The following PPP2R3C variants were observed in gnomAD, a reference collection of about 807,000 sequenced individuals.
PPP2R3C encodes protein phosphatase 2 regulatory subunit B''gamma, also known as serine/threonine-protein phosphatase 2A regulatory subunit B'' subunit gamma.
In PPP2R3C, 47 loss-of-function variants were observed where a neutral mutation model predicts 63.7. That is an observed-to-expected ratio of 0.74 (90% CI 0.58 to 0.94). The LOEUF is 0.94. Ranked by LOEUF, PPP2R3C falls within the 40% of genes least tolerant of loss-of-function variation. The probability of loss-of-function intolerance (pLI) is 0.00; values close to 1 mark genes in which losing one functional copy is unlikely to be tolerated. For missense variants in PPP2R3C, 421 were observed against 518.4 expected (o/e 0.81, Z 1.82); for synonymous variants, 180 against 177.4 (o/e 1.01, Z -0.12).
chr14:35,087,875 T>G, intron 12 of PPP2R3C, 76 bp downstream of exon 12: 2 of 1,154,148 alleles, frequency 1.7e-6, no homozygotes. Flanking sequence ...TTAGTTGCTT[T>G]CATATAAAAT....
chr14:35,119,896 G>T (rs2046815513), intron 1 of PPP2R3C, among the ~76,000 whole-genome samples: 1 of 144,158 alleles, frequency 6.9e-6, no homozygotes, highest in African/African-American at 2.6e-5. Flanking sequence ...TGTCGCCCAG[G>T]CTGGAGTGCA....
chr14:35,116,799 A>C, intron 1 of PPP2R3C, 62 bp from the exon 2 acceptor site: 43 of 1,271,102 alleles, frequency 3.4e-5, no homozygotes, highest in Non-Finnish European at 4.1e-5. Context: ...TACTCAGGTC[A>C]TCCTATATAT....
Position 35,096,749 on chromosome 14 carries a change from T to A in PPP2R3C, c.722A>T (p.Gln241Leu), listed in dbSNP as rs754303483. The change falls in exon 8 of 13, where the codon CAA becomes CTA. Residue 241 changes from glutamine to leucine, a missense_variant. This residue lies in a region of PPP2R3C where 231 missense variants were observed against 264.8 expected (regional missense o/e 0.87). Coordinates refer to ENST00000261475, the MANE Select transcript of PPP2R3C (RefSeq NM_017917.4). ...DPLRTGKIKI[Q>L]DILACSFLDD... ...TAGGAAGCTGCATGCTAAAATATCTTGAATTTTTATCTTTCCTTTAAGAAC... is the reference window on the plus strand; with the variant it reads ...TAGGAAGCTGCATGCTAAAATATCTAGAATTTTTATCTTTCCTTTAAGAAC... 3 of 1,585,616 alleles carry A rather than the reference T, an allele frequency of 1.9e-6. No individual in the cohort carries two copies. Among genetic ancestry groups the A allele is most frequent in the Non-Finnish European group, 2.6e-6 (3 of 1,164,818 alleles).
intron 6 of PPP2R3C, among the ~76,000 whole-genome samples, chr14:35,106,770 T>C (rs9888597): frequency 0.11 from 15,896 of 150,530 alleles, 1,039 homozygotes; most frequent in African/African-American, 0.19. Context: ...TGGGTTCAAG[T>C]GATTCTCCTG....
intron 6 of PPP2R3C, 115 bp from the exon 7 acceptor site, chr14:35,099,499 A>G: frequency 1.6e-6 from 2 of 1,249,688 alleles, no homozygotes; most frequent in South Asian, 3.4e-5. Context: ...AAATAAATGC[A>G]TGACTATTTT....
chr14:35,116,493 G>T, intron 2 of PPP2R3C, 117 bp downstream of exon 2: 3 of 718,446 alleles, frequency 4.2e-6, no homozygotes, highest in East Asian at 3.6e-5. Context: ...GGACTCAAGT[G>T]ATCCTCCCGC....
intron 10 of PPP2R3C, among the ~76,000 whole-genome samples, chr14:35,093,137 C>T (rs1344708995): frequency 7.2e-5 from 11 of 151,968 alleles, no homozygotes; most frequent in African/African-American, 2.2e-4. Flanking sequence ...GGCGTCAACC[C>T]GGGAGGCGGA....
chr14:35,108,348 T>C (rs977787518), intron 4 of PPP2R3C, 112 bp from the exon 5 acceptor site: 53 of 1,271,250 alleles, frequency 4.2e-5, no homozygotes, highest in Admixed American at 1.4e-4. Flanking sequence ...GAAAGAACAA[T>C]AGAGACTCCT....
chr14:35,087,697 G>GC (rs2045654998), intron 12 of PPP2R3C: 1 of 404,570 alleles, frequency 2.5e-6, no homozygotes, highest in Non-Finnish European at 4.6e-6. Context: ...ACTGAGCCCG[G>GC]CCCCCTGACT....
chr14:35,101,480 A>G (rs1218196094), intron 6 of PPP2R3C: 2 of 152,246 alleles, frequency 1.3e-5, no homozygotes, highest in African/African-American at 4.8e-5. Context: ...TAAGTGTATT[A>G]TTTATTCAAA....
chr14:35,109,695 A>G (rs1595117356), intron 4 of PPP2R3C, 124 bp downstream of exon 4: 4 of 686,310 alleles, frequency 5.8e-6, no homozygotes, highest in Admixed American at 3.2e-5. Flanking sequence ...AGCTCAAGCA[A>G]TCCTCTCACC....
intron 11 of PPP2R3C, among the ~76,000 whole-genome samples, chr14:35,089,887 G>T (rs1408009650): frequency 4.0e-5 from 6 of 151,808 alleles, no homozygotes; most frequent in Non-Finnish European, 8.8e-5. Flanking sequence ...GGATGGTTTT[G>T]ATCTCCTGAC....
chr14:35,100,510 C>T (rs2046152662), intron 6 of PPP2R3C: 3 of 152,274 alleles, frequency 2.0e-5, no homozygotes, highest in Non-Finnish European at 4.4e-5. Context: ...TACAGGGGTG[C>T]ATCAGGATAT....
Position 35,121,323 on chromosome 14 carries a change from G to A in PPP2R3C, c.58+579C>T, listed in dbSNP as rs201816492. On this transcript the variant is annotated intron_variant, in intron 1 of 12. Coordinates refer to ENST00000261475, the MANE Select transcript of PPP2R3C (RefSeq NM_017917.4). Reference sequence around the variant, plus strand: ...ACCCGGGAGGCAGAGGTTGCAGTGAGCGGAGATGCTGCCACTGCACTCCAG... The same window carrying A: ...ACCCGGGAGGCAGAGGTTGCAGTGAACGGAGATGCTGCCACTGCACTCCAG... Among the ~76,000 whole-genome samples the A allele has an allele frequency of 3.0e-4, 45 of 152,148 alleles. 1 individual carries two copies. The East Asian group carries it at 8.5e-3, about 29-fold the overall frequency.
chr14:35,121,997 T>G (rs2046920828), upstream of PPP2R3C: 1 of 1,611,522 alleles, frequency 6.2e-7, no homozygotes, highest in Non-Finnish European at 8.5e-7. Context: ...ATTTGCTGTT[T>G]CCTACCTGCT....
At chr14:35,090,266 G>A (rs1027435156) in intron 11 of PPP2R3C, among the ~76,000 whole-genome samples, 3 of 124,074 alleles carry the variant, frequency 2.4e-5, no homozygotes, top group Admixed American at 1.9e-4. Context: ...TTTTGAGACC[G>A]AGTGTTGCTT....
upstream of PPP2R3C, chr14:35,122,064 C>G: frequency 8.3e-7 from 1 of 1,201,150 alleles, no homozygotes. Flanking sequence ...TTAGGAAGGC[C>G]GTCCAACCAC....
chr14:35,109,711 C>T lies in PPP2R3C; in HGVS notation c.404+108G>A, dbSNP rs554270811. 1.7e-3 allele frequency: 1,522 copies of T among 880,724 alleles called. 4 individuals are homozygous for T. The highest frequency in any genetic ancestry group is 2.0e-3 in the Non-Finnish European group (1,197 of 590,122). The allele number at this position is 880,724 out of a possible 1,614,324, so 54.6% of individuals were successfully genotyped here. ...GCTCAAGCAATCCTCTCACCTCAGCCTCCAAAACTGCTGGGATTACAGGTG... is the reference window on the plus strand; with the variant it reads ...GCTCAAGCAATCCTCTCACCTCAGCTTCCAAAACTGCTGGGATTACAGGTG... On this transcript the variant is annotated intron_variant, in intron 4 of 12. Transcript: ENST00000261475.
chr14:35,121,988 T>C lies in PPP2R3C; in HGVS notation c.-29A>G. The C allele has an allele frequency of 6.2e-7, 1 of 1,614,030 alleles. No individual in the cohort carries two copies. Among genetic ancestry groups the C allele is most frequent in the Non-Finnish European group, 8.5e-7 (1 of 1,179,926 alleles). ...CGACTTCCGCGCAGCAGCTTCTGCA[T>C]TTGCTGTTTCCTACCTGCTCCACCC... is the stretch of plus-strand genomic sequence containing the variant. On this transcript the variant is annotated 5_prime_UTR_variant, in exon 1 of 13. It removes an upstream start codon present in the reference 5' UTR. Transcript: ENST00000261475.
Sources: gnomAD v4.1 joint callset for allele counts (sites outside exome capture counted in the v4.1 genomes callset) on GRCh38, gnomAD v4.1.1 for gene constraint, gnomAD v4.1.1 regional missense constraint, MANE v1.5 for transcripts, NCBI Gene and HGNC (gene_info 2026-07-23, HGNC 2026-07-21) for gene names.